TMC1: variants seen among roughly 807,000 people sequenced by gnomAD.
TMC1 encodes the protein transmembrane channel like 1.
Under a neutral mutation model 105.8 loss-of-function variants are expected in TMC1, and 84 were observed. The ratio of observed to expected loss-of-function variants is 0.79; its 90% CI spans 0.67 to 0.95. The LOEUF (loss-of-function observed/expected upper bound fraction) is 0.95, where lower values mean the gene tolerates loss of function less well. TMC1 is among the 40% of genes least tolerant of loss of function. TMC1 has a pLI of 0.00. For missense variants in TMC1, 817 were observed against 914.1 expected, an observed-to-expected ratio of 0.89 and a Z score of 1.37; for synonymous variants, 315 against 311.5, an observed-to-expected ratio of 1.01 and a Z score of -0.12.
intron 1 of TMC1, among the ~76,000 whole-genome samples, chr9:72,534,800 G>A (rs1823552194): frequency 1.3e-5 from 2 of 152,052 alleles, no homozygotes; most frequent in South Asian, 4.2e-4. Context: ...GCTGAAAAAA[G>A]GTATCCCTGC....
intron 17 of TMC1, among the ~76,000 whole-genome samples, chr9:72,798,303 A>G (rs924294380): frequency 6.6e-6 from 1 of 152,164 alleles, no homozygotes; most frequent in Non-Finnish European, 1.5e-5. Context: ...GGAAAGCAGT[A>G]TGGCGATTCC....
At chr9:72,628,451 G>A (rs1166541914) in intron 4 of TMC1, 3 of 176,536 alleles carry the variant, frequency 1.7e-5, no homozygotes, top group Non-Finnish European at 3.6e-5. Context: ...GTGATAAACA[G>A]AAGAAGCCAC....
chr9:72,790,898 A>G (rs1466152164), intron 15 of TMC1, among the ~76,000 whole-genome samples: 1 of 152,178 alleles, frequency 6.6e-6, no homozygotes, highest in Non-Finnish European at 1.5e-5. Flanking sequence ...ACAAAAATCT[A>G]ATAGCAATTG....
At chr9:72,549,321 T>G (rs1410563787) in intron 1 of TMC1, among the ~76,000 whole-genome samples, 1 of 152,188 alleles carries the variant, frequency 6.6e-6, no homozygotes, top group Non-Finnish European at 1.5e-5. Context: ...GGCCTTGAAC[T>G]CCAGGGTTCA....
chr9:72,707,317 T>C (rs1826759460), intron 8 of TMC1, among the ~76,000 whole-genome samples: 1 of 152,196 alleles, frequency 6.6e-6, no homozygotes, highest in Non-Finnish European at 1.5e-5. Context: ...TACTTTTAGT[T>C]CTTTAAGGAA....
intron 8 of TMC1, among the ~76,000 whole-genome samples, chr9:72,723,331 A>G (rs1156923921): frequency 2.6e-5 from 4 of 152,050 alleles, no homozygotes; most frequent in Non-Finnish European, 5.9e-5. Context: ...TTTAAATTTT[A>G]TCATAAAGTG....
chr9:72,532,594 C>T (rs568393462), intron 1 of TMC1, among the ~76,000 whole-genome samples: 2,276 of 130,288 alleles, frequency 0.017, 27 homozygotes, highest in South Asian at 0.05. Context: ...AAAACTTTAC[C>T]GGAATTAAAG....
chr9:72,835,824 C>G (rs909805556), intron 23 of TMC1, 127 bp from the exon 24 acceptor site: 2 of 995,932 alleles, frequency 2.0e-6, no homozygotes, highest in African/African-American at 3.3e-5. Flanking sequence ...TTGGACAATA[C>G]AGATTTCTGG....
chr9:72,598,756 A>G (rs917694166), intron 2 of TMC1, among the ~76,000 whole-genome samples: 1 of 152,224 alleles, frequency 6.6e-6, no homozygotes, highest in Admixed American at 6.5e-5. Context: ...GGAAAATGCC[A>G]AAATCATATT....
At chr9:72,572,588 T>C (rs1824307593) in intron 1 of TMC1, among the ~76,000 whole-genome samples, 1 of 152,222 alleles carries the variant, frequency 6.6e-6, no homozygotes, top group East Asian at 1.9e-4. Context: ...ATGCTAGGCA[T>C]TGACAAATGG....
intron 4 of TMC1, among the ~76,000 whole-genome samples, chr9:72,642,655 A>G (rs1825647653): frequency 6.6e-6 from 1 of 152,244 alleles, no homozygotes; most frequent in African/African-American, 2.4e-5. Flanking sequence ...TGTCAATTCA[A>G]TTTTTAAAAA....
At chr9:72,709,943 C>G (rs1000353471) in intron 8 of TMC1, among the ~76,000 whole-genome samples, 4 of 151,776 alleles carry the variant, frequency 2.6e-5, no homozygotes, top group Admixed American at 2.0e-4. Flanking sequence ...GAGGTGTTAC[C>G]TTAGGTTGTC....
chr9:72,784,637 C>G (rs1828141935), intron 13 of TMC1, among the ~76,000 whole-genome samples: 1 of 152,158 alleles, frequency 6.6e-6, no homozygotes, highest in Non-Finnish European at 1.5e-5. Flanking sequence ...GACACATGTA[C>G]TCATATGTTC....
chr9:72,826,828 T>C, intron 20 of TMC1, 41 bp from the exon 21 acceptor site: 1 of 1,609,364 alleles, frequency 6.2e-7, no homozygotes, highest in South Asian at 1.1e-5. Context: ...TTTTTCCATA[T>C]GTTCTTAATA....
intron 2 of TMC1, among the ~76,000 whole-genome samples, chr9:72,589,425 T>C (rs1014648479): frequency 6.6e-6 from 1 of 152,250 alleles, no homozygotes; most frequent in African/African-American, 2.4e-5. Flanking sequence ...TATTGAAAAA[T>C]TAAAAATATC....
chr9:72,566,809 A>G (rs1208821765), intron 1 of TMC1, among the ~76,000 whole-genome samples: 2 of 152,168 alleles, frequency 1.3e-5, no homozygotes, highest in Non-Finnish European at 2.9e-5. Flanking sequence ...ATTTTAGTCT[A>G]AGGCCTTCTC....
chr9:72,742,451 C>T lies in TMC1; in HGVS notation c.461C>T (p.Ala154Val), dbSNP rs371485372. ...AFKMMMAKKW[A>V]KFLRDFENFK... is the part of the protein sequence containing the mutation. ...ATTTGACTTTCTTTTCAGAAATGGG[C>T]AAAATTCCTCCGTGATTTTGAGAAC... Residue 154 changes from alanine (A) to valine (V), a missense_variant, in exon 10 of 24, where the codon GCA becomes GTA. Coordinates refer to ENST00000297784, the MANE Select transcript of TMC1 (RefSeq NM_138691.3). 3.1e-6 allele frequency: 5 copies of T among 1,613,894 alleles called. No individual in the cohort carries two copies. In the East Asian group the frequency reaches 6.7e-5, roughly 22 times the overall value.
chr9:72,675,862 T>C (rs1826194268), intron 5 of TMC1, among the ~76,000 whole-genome samples: 1 of 152,178 alleles, frequency 6.6e-6, no homozygotes, highest in Non-Finnish European at 1.5e-5. Flanking sequence ...AGGAAAGGAA[T>C]TCTGAAGCTG....
At chr9:72,691,229 T>C (rs1826461814) in intron 6 of TMC1, among the ~76,000 whole-genome samples, 1 of 152,196 alleles carries the variant, frequency 6.6e-6, no homozygotes, top group Non-Finnish European at 1.5e-5. Flanking sequence ...ACTTTGTTCA[T>C]GCATTTTTCT....
Sources: allele counts gnomAD v4.1 joint callset (sites outside exome capture counted in the v4.1 genomes callset), GRCh38; gene constraint gnomAD v4.1.1; transcripts MANE v1.5; gene names NCBI Gene and HGNC (gene_info 2026-07-23, HGNC 2026-07-21).